The following KCNT2 variants were observed in gnomAD, a reference collection of about 807,000 sequenced individuals.
The protein encoded by KCNT2 is potassium sodium-activated channel subfamily T member 2, also known as potassium channel subfamily T member 2.
Under a neutral mutation model 153.8 loss-of-function variants are expected in KCNT2, and 67 were observed. The observed-to-expected ratio is 0.44, with a 90% CI of 0.36 to 0.53. The LOEUF is 0.53. Among genes scored for constraint, KCNT2 ranks in the 20% least tolerant of loss-of-function variants. The pLI is 0.00. For missense variants in KCNT2, 975 were observed against 1,354.8 expected, an observed-to-expected ratio of 0.72 and a Z score of 4.40; for synonymous variants, 500 against 458.8, an observed-to-expected ratio of 1.09 and a Z score of -1.15.
At chr1:196,289,449 T>G (rs562385334) in intron 22 of KCNT2, among the ~76,000 whole-genome samples, 1 of 152,262 alleles carries the variant, frequency 6.6e-6, no homozygotes, top group East Asian at 1.9e-4. Context: ...CCTAACACAA[T>G]GCCTGGCACA....
At chr1:196,372,808 T>C (rs1056621518) in intron 14 of KCNT2, among the ~76,000 whole-genome samples, 1 of 151,916 alleles carries the variant, frequency 6.6e-6, no homozygotes, top group Admixed American at 6.6e-5. Context: ...AATTAAATGT[T>C]TCATTTGCTG....
In KCNT2 at chr1:196,562,705, T is replaced by C. The variant is rs541870316; in HGVS notation, c.95+45510A>G. 9.9e-5 allele frequency among the ~76,000 whole-genome samples: 15 copies of C among 151,202 alleles called. No homozygotes were observed. In the South Asian group the frequency reaches 2.9e-3, roughly 29 times the overall value. ...TACAGTAAGGTTCTGATTTCTTTCT[T>C]CTCTTTTTTTTTTTTCCTGAATTGC... On this transcript the variant is annotated intron_variant, in intron 1 of 27. Coordinates refer to ENST00000294725, the MANE Select transcript of KCNT2 (RefSeq NM_198503.5).
At chr1:196,444,761 G>A (rs1210128833) in intron 8 of KCNT2, among the ~76,000 whole-genome samples, 1 of 151,262 alleles carries the variant, frequency 6.6e-6, no homozygotes, top group East Asian at 2.0e-4. Flanking sequence ...AGAATTTTAA[G>A]CAAGAGAATG....
At chr1:196,276,903 T>A (rs1290231376) in intron 25 of KCNT2, among the ~76,000 whole-genome samples, 1 of 152,066 alleles carries the variant, frequency 6.6e-6, no homozygotes, top group Non-Finnish European at 1.5e-5. Context: ...GATTTTAGGA[T>A]CCCCTCCTTT....
At chr1:196,470,425 C>A (rs974574965) in intron 5 of KCNT2, among the ~76,000 whole-genome samples, 4 of 152,180 alleles carry the variant, frequency 2.6e-5, no homozygotes, top group African/African-American at 7.2e-5. Flanking sequence ...AACCTATGGT[C>A]ATTTAAAAAT....
Position 196,429,119 on chromosome 1 carries a change from T to C in KCNT2, c.819+458A>G, listed in dbSNP as rs143778780. On this transcript the variant is annotated intron_variant, in intron 9 of 27. Transcript: ENST00000294725. Reference sequence around the variant, plus strand: ...TCAGCCTCCCAAAATACTGGTATTATAGGCATGAGCCCTGCACCTGGCCCA... The same window carrying C: ...TCAGCCTCCCAAAATACTGGTATTACAGGCATGAGCCCTGCACCTGGCCCA... Among the ~76,000 whole-genome samples the C allele has an allele frequency of 7.2e-5, 11 of 151,860 alleles. No homozygotes were observed. In the South Asian group the frequency reaches 1.9e-3, roughly 26 times the overall value.
In KCNT2 at chr1:196,608,341, C is replaced by T; in HGVS notation, c.-32G>A. On this transcript the variant is annotated 5_prime_UTR_variant, in exon 1 of 28. Transcript: ENST00000294725. ...TCAAAGAGTGGGAAACATCAAACAA[C>T]AAATGGAGGAGAGGAGGGAGAAAGA... 1 of 1,534,232 alleles carries T rather than the reference C, an allele frequency of 6.5e-7. No homozygotes were observed. The highest frequency in any genetic ancestry group is 1.1e-5 in the South Asian group (1 of 89,532).
chr1:196,585,987 C>T (rs1014006019), intron 1 of KCNT2, among the ~76,000 whole-genome samples: 34 of 152,182 alleles, frequency 2.2e-4, no homozygotes, highest in African/African-American at 7.7e-4. Flanking sequence ...CATGATGACT[C>T]ATGTCTATAA....
chr1:196,313,683 G>T (rs1040143864), intron 21 of KCNT2, among the ~76,000 whole-genome samples: 22 of 151,422 alleles, frequency 1.5e-4, no homozygotes, highest in Non-Finnish European at 1.5e-4. Flanking sequence ...CAAAAAAAAA[G>T]TTTCATATAA....
chr1:196,579,850 G>GTGGTGATACAGCTTTCAT (rs1051695699), intron 1 of KCNT2, among the ~76,000 whole-genome samples: 1 of 152,108 alleles, frequency 6.6e-6, no homozygotes, highest in Non-Finnish European at 1.5e-5. Flanking sequence ...TATCAGAAAA[G>GTGGTGATACAGCTTTCAT]TGGTGATACA....
intron 13 of KCNT2, among the ~76,000 whole-genome samples, chr1:196,397,204 T>C (rs1671011316): frequency 6.6e-6 from 1 of 151,494 alleles, no homozygotes; most frequent in African/African-American, 2.4e-5. Context: ...TTAGTGTTAA[T>C]GTCATTACTG....
chr1:196,398,223 C>A (rs543560755), intron 13 of KCNT2, among the ~76,000 whole-genome samples: 2 of 151,362 alleles, frequency 1.3e-5, no homozygotes, highest in South Asian at 4.2e-4. Context: ...TATGTGTAAA[C>A]CTATGTATAA....
intron 25 of KCNT2, among the ~76,000 whole-genome samples, chr1:196,274,192 G>A (rs575786995): frequency 1.3e-5 from 2 of 151,614 alleles, no homozygotes; most frequent in Admixed American, 6.6e-5. Flanking sequence ...TCATAGCTAA[G>A]TAGGGGTTAT....
At chr1:196,274,787 T>C (rs566220087) in intron 25 of KCNT2, among the ~76,000 whole-genome samples, 66 of 151,850 alleles carry the variant, frequency 4.3e-4, no homozygotes, top group Non-Finnish European at 8.3e-4. Context: ...GATGTTTTTC[T>C]GGTTCCTAGT....
At chr1:196,329,230 C>G (rs1396377404) in intron 18 of KCNT2, among the ~76,000 whole-genome samples, 1 of 152,076 alleles carries the variant, frequency 6.6e-6, no homozygotes, top group Admixed American at 6.6e-5. Context: ...TAATCCCATA[C>G]TGTTCCTAAA....
chr1:196,393,062 A>G (rs542137345), intron 13 of KCNT2, among the ~76,000 whole-genome samples: 1 of 151,582 alleles, frequency 6.6e-6, no homozygotes, highest in African/African-American at 2.4e-5. Flanking sequence ...AATTACAATC[A>G]AATTCTGTGA....
chr1:196,558,380 C>CGT (rs142132505), intron 1 of KCNT2, among the ~76,000 whole-genome samples: 3,303 of 147,200 alleles, frequency 0.022, 42 homozygotes, highest in African/African-American at 0.034. Context: ...TCTAAAATAA[C>CGT]GTGTGTGTGT....
At chr1:196,347,671 C>T (rs1666257130) in intron 14 of KCNT2, among the ~76,000 whole-genome samples, 1 of 152,144 alleles carries the variant, frequency 6.6e-6, no homozygotes, top group Admixed American at 6.6e-5. Context: ...TTACAAAGCC[C>T]TGCTCACCTG....
At chr1:196,510,850 C>T (rs1681554142) in intron 1 of KCNT2, among the ~76,000 whole-genome samples, 1 of 152,170 alleles carries the variant, frequency 6.6e-6, no homozygotes, top group Non-Finnish European at 1.5e-5. Flanking sequence ...TCTAGAGAAT[C>T]CAACCAGAGG....
Sources: allele counts gnomAD v4.1 joint callset (sites outside exome capture counted in the v4.1 genomes callset), GRCh38; gene constraint gnomAD v4.1.1; transcripts MANE v1.5; gene names NCBI Gene and HGNC (gene_info 2026-07-23, HGNC 2026-07-21).